RTN1: variants seen among roughly 807,000 people sequenced by gnomAD.
The protein encoded by RTN1 is reticulon-1.
A neutral mutation model predicts 65.5 loss-of-function variants in RTN1; 25 were observed. That is an observed-to-expected ratio of 0.38 (90% CI 0.28 to 0.53). The LOEUF is 0.53. Among genes scored for constraint, RTN1 ranks in the 20% least tolerant of loss-of-function variants. The pLI is 0.79. For missense variants in RTN1, 983 were observed against 1,025.4 expected, an observed-to-expected ratio of 0.96 and a Z score of 0.57; for synonymous variants, 471 against 447.6, an observed-to-expected ratio of 1.05 and a Z score of -0.66.
chr14:59,750,485 AAT>A lies in RTN1; in HGVS notation c.242-4006_242-4005del, dbSNP rs536989505. 5.7e-3 allele frequency among the ~76,000 whole-genome samples: 286 copies of A among 50,486 alleles called. 7 individuals are homozygous for A. Among genetic ancestry groups the A allele is most frequent in the Non-Finnish European group, 7.4e-3 (200 of 27,066 alleles). The allele number at this position is 50,486 out of a possible 152,430, so 33.1% of individuals were successfully genotyped here. The stretch of plus-strand genomic sequence containing the variant: ...TATCTATAATATATAATATATCTAT[AAT>A]ATATATATTATATCTATAATATATA... On this transcript the variant is annotated intron_variant, in intron 1 of 8. Transcript: ENST00000267484.
intron 1 of RTN1, among the ~76,000 whole-genome samples, chr14:59,851,464 C>A (rs1887505238): frequency 6.6e-6 from 1 of 152,204 alleles, no homozygotes; most frequent in South Asian, 2.1e-4. Flanking sequence ...AGCACATTCA[C>A]TTTCAAAACA....
intron 1 of RTN1, among the ~76,000 whole-genome samples, chr14:59,759,513 T>C (rs535893399): frequency 5.3e-5 from 8 of 152,314 alleles, no homozygotes; most frequent in Admixed American, 5.2e-4. Flanking sequence ...TATTAAGGGC[T>C]CATTATTATT....
chr14:59,734,589 A>G (rs552416244), intron 2 of RTN1, among the ~76,000 whole-genome samples: 1 of 152,324 alleles, frequency 6.6e-6, no homozygotes, highest in African/African-American at 2.4e-5. Flanking sequence ...TCACAATGCA[A>G]TCATGAGTAT....
chr14:59,745,690 C>A lies in RTN1; in HGVS notation c.1015+18G>T. 1 of 1,548,008 alleles carries A rather than the reference C, an allele frequency of 6.5e-7. No individual in the cohort carries two copies. The highest frequency in any genetic ancestry group is 8.7e-7 in the Non-Finnish European group (1 of 1,151,662). On this transcript the variant is annotated intron_variant, in intron 2 of 8. Coordinates refer to ENST00000267484, the MANE Select transcript of RTN1 (RefSeq NM_021136.3). ...ATATGCTGGGTTTTCCTAAGTCAAG[C>A]AATAACAGGGCCTTTACCTGTTCCA...
chr14:59,863,654 T>C (rs1887749042), intron 1 of RTN1, among the ~76,000 whole-genome samples: 1 of 152,168 alleles, frequency 6.6e-6, no homozygotes, highest in Non-Finnish European at 1.5e-5. Context: ...ACTCCCAATG[T>C]ATATAAGCAG....
chr14:59,810,248 G>A (rs1886705004), intron 1 of RTN1, among the ~76,000 whole-genome samples: 1 of 152,124 alleles, frequency 6.6e-6, no homozygotes, highest in Non-Finnish European at 1.5e-5. Flanking sequence ...TGAAGCAAAG[G>A]TTGATCAGGT....
At chr14:59,824,541 A>AT (rs1886997820) in intron 1 of RTN1, among the ~76,000 whole-genome samples, 1 of 152,204 alleles carries the variant, frequency 6.6e-6, no homozygotes, top group East Asian at 1.9e-4. Flanking sequence ...TTTACCCTGC[A>AT]AATGTTTGTA....
chr14:59,767,711 G>A (rs939624175), intron 1 of RTN1, among the ~76,000 whole-genome samples: 8 of 152,122 alleles, frequency 5.3e-5, no homozygotes, highest in African/African-American at 1.9e-4. Context: ...AGACCTAAAG[G>A]ATAAAAAGAG....
chr14:59,759,607 A>G (rs1425262266), intron 1 of RTN1, among the ~76,000 whole-genome samples: 1 of 152,112 alleles, frequency 6.6e-6, no homozygotes, highest in Non-Finnish European at 1.5e-5. Flanking sequence ...GAAAACAGAC[A>G]CCTCAACAAA....
intron 2 of RTN1, among the ~76,000 whole-genome samples, chr14:59,733,729 T>C (rs369244928): frequency 8.5e-5 from 13 of 152,196 alleles, no homozygotes; most frequent in African/African-American, 2.7e-4. Context: ...CCCCTGCTCA[T>C]GTTCTCCCTG....
chr14:59,749,338 C>A (rs796771374), intron 1 of RTN1, among the ~76,000 whole-genome samples: 8 of 26,174 alleles, frequency 3.1e-4, no homozygotes, highest in Admixed American at 6.2e-4. Flanking sequence ...CTATATATAT[C>A]TATATATATC....
chr14:59,853,776 C>T (rs1887551598), intron 1 of RTN1, among the ~76,000 whole-genome samples: 1 of 152,044 alleles, frequency 6.6e-6, no homozygotes, highest in African/African-American at 2.4e-5. Flanking sequence ...GTTGCAGTTC[C>T]ACCATGCATG....
intron 1 of RTN1, among the ~76,000 whole-genome samples, chr14:59,776,073 T>C (rs760589317): frequency 6.6e-6 from 1 of 152,182 alleles, no homozygotes; most frequent in Non-Finnish European, 1.5e-5. Flanking sequence ...TTTTACTCTG[T>C]AGTCAAAAGC....
intron 3 of RTN1, among the ~76,000 whole-genome samples, chr14:59,716,602 T>C (rs989197191): frequency 3.9e-5 from 6 of 152,126 alleles, no homozygotes; most frequent in Admixed American, 6.5e-5. Flanking sequence ...ACATTGTAAA[T>C]TCATTTAAAG....
chr14:59,625,217 A>C (rs1159693054), intron 3 of RTN1, among the ~76,000 whole-genome samples: 2 of 152,218 alleles, frequency 1.3e-5, no homozygotes, highest in Non-Finnish European at 2.9e-5. Flanking sequence ...ATAGAATATT[A>C]GGATTATCGT....
At chr14:59,626,271 A>T (rs1446722658) in intron 3 of RTN1, among the ~76,000 whole-genome samples, 1 of 152,206 alleles carries the variant, frequency 6.6e-6, no homozygotes, top group East Asian at 1.9e-4. Context: ...GTTTCCACGA[A>T]CACTGTAGAC....
intron 3 of RTN1, among the ~76,000 whole-genome samples, chr14:59,713,974 G>A (rs1031317587): frequency 1.3e-5 from 2 of 152,110 alleles, no homozygotes; most frequent in South Asian, 2.1e-4. Context: ...GGTGGGTCAC[G>A]CCTGTAATCC....
chr14:59,779,532 A>G lies in RTN1; in HGVS notation c.242-33051T>C, dbSNP rs565600587. On this transcript the variant is annotated intron_variant, in intron 1 of 8. Transcript: ENST00000267484. ...AAATCTCCATTTCAGGTGTTGACCG[A>G]GGCGCAGGAGCCAGCAAAGGGGACA... Among the ~76,000 whole-genome samples the G allele has an allele frequency of 2.6e-5, 4 of 151,992 alleles. No individual in the cohort carries two copies. The South Asian group carries it at 8.3e-4, about 32-fold the overall frequency.
At position 59,825,782 on chromosome 14, in the gene RTN1, G is replaced by A. The variant is rs1202162268; in HGVS notation, c.241+44608C>T. On this transcript the variant is annotated intron_variant, in intron 1 of 8. Coordinates refer to ENST00000267484, the MANE Select transcript of RTN1 (RefSeq NM_021136.3). This position sits in a 1 kb window ranked among gnomAD's most constrained non-coding sequence, Gnocchi z 4.2. ...TAGAGAAAATAAAACATAGACCTCGGGTATGCCATAGAAACTAAATGGCAT... is the reference window on the plus strand; with the variant it reads ...TAGAGAAAATAAAACATAGACCTCGAGTATGCCATAGAAACTAAATGGCAT... 6.6e-6 allele frequency among the ~76,000 whole-genome samples: 1 copy of A among 152,064 alleles called. No individual in the cohort carries two copies. The highest frequency in any genetic ancestry group is 1.5e-5 in the Non-Finnish European group (1 of 68,004).
Sources: allele counts gnomAD v4.1 joint callset (sites outside exome capture counted in the v4.1 genomes callset), GRCh38; gene constraint gnomAD v4.1.1; non-coding constraint Gnocchi (gnomAD v3.1); transcripts MANE v1.5; gene names NCBI Gene and HGNC (gene_info 2026-07-23, HGNC 2026-07-21).